Variants in SPP2 observed in about 807,000 individuals in gnomAD.
SPP2 encodes secreted phosphoprotein 24.
In SPP2, 34 loss-of-function variants were observed where a neutral mutation model predicts 28.8. The observed-to-expected ratio is 1.18, with a 90% CI of 0.90 to 1.57. The LOEUF is 1.57. Ranked by LOEUF, SPP2 falls within the 40% of genes most tolerant of loss-of-function variation. SPP2 has a pLI of 0.00. For synonymous variants in SPP2, 96 were observed against 89.4 expected, an observed-to-expected ratio of 1.07 and a Z score of -0.42; for missense variants, 269 against 263.9, an observed-to-expected ratio of 1.02 and a Z score of -0.13.
chr2:234,051,038 G>A lies in SPP2; in HGVS notation c.153G>A (p.Val51=). The change falls in exon 2 of 8, where the codon GTG becomes GTA. Residue 51 remains valine (V), a synonymous_variant. Coordinates refer to ENST00000168148, the MANE Select transcript of SPP2 (RefSeq NM_006944.3). ...RDALSASVVK[V]NSQSLSPYLF... The stretch of plus-strand genomic sequence containing the variant: ...CCCTCAGTGCCTCTGTGGTAAAAGT[G>A]AATTCCCAGTCACTGAGTCCGTATC... The A allele has an allele frequency of 1.2e-6, 2 of 1,613,980 alleles. No individual in the cohort carries two copies. The highest frequency in any genetic ancestry group is 2.2e-5 in the South Asian group (2 of 91,074).
chr2:234,053,591 G>T (rs538519138), intron 2 of SPP2, among the ~76,000 whole-genome samples: 1 of 151,398 alleles, frequency 6.6e-6, no homozygotes. Flanking sequence ...TCTAATGTGC[G>T]GTCTCGGTGA....
chr2:234,068,325 G>A (rs937052601), intron 6 of SPP2, among the ~76,000 whole-genome samples: 9 of 152,200 alleles, frequency 5.9e-5, no homozygotes, highest in African/African-American at 2.2e-4. Flanking sequence ...GAGGCTTAGT[G>A]AGTTCCTGTA....
chr2:234,059,024 G>A (rs893207985), intron 3 of SPP2, 66 bp downstream of exon 3: 1 of 1,560,814 alleles, frequency 6.4e-7, no homozygotes, highest in Non-Finnish European at 8.7e-7. Context: ...CCATGACCTG[G>A]AGTCACACAA....
chr2:234,056,660 A>C (rs1693613498), intron 2 of SPP2, among the ~76,000 whole-genome samples: 1 of 152,150 alleles, frequency 6.6e-6, no homozygotes, highest in African/African-American at 2.4e-5. Context: ...CTCACCCTGC[A>C]GTGGAGGGCC....
chr2:234,063,552 T>C (rs1693760611), intron 4 of SPP2, among the ~76,000 whole-genome samples: 3 of 152,240 alleles, frequency 2.0e-5, no homozygotes, highest in Non-Finnish European at 2.9e-5. Flanking sequence ...TATTCTCCTA[T>C]AGTTAACTAA....
intron 4 of SPP2, among the ~76,000 whole-genome samples, chr2:234,062,189 C>CCTGA (rs10638298): frequency 0.28 from 42,179 of 151,824 alleles, 5,979 homozygotes; most frequent in South Asian, 0.49. Flanking sequence ...CAGGAATTAC[C>CCTGA]CTATCAGGCA....
At chr2:234,054,469 G>T (rs1559170920) in intron 2 of SPP2, among the ~76,000 whole-genome samples, 1 of 152,168 alleles carries the variant, frequency 6.6e-6, no homozygotes. Flanking sequence ...TTATTTCTCA[G>T]AATTCAGGAG....
chr2:234,075,865 C>T (rs1574839512), intron 7 of SPP2, among the ~76,000 whole-genome samples: 1 of 152,214 alleles, frequency 6.6e-6, no homozygotes, highest in East Asian at 1.9e-4. Flanking sequence ...GTCTCCAACT[C>T]ATCTTCCAAG....
intron 5 of SPP2, among the ~76,000 whole-genome samples, chr2:234,066,976 T>C (rs964397919): frequency 5.3e-5 from 8 of 152,216 alleles, no homozygotes; most frequent in African/African-American, 1.9e-4. Context: ...TCTTTGAATG[T>C]CTTAGTTCAG....
chr2:234,050,929 CTG>C (rs1198632914), intron 1 of SPP2, 40 bp from the exon 2 acceptor site: 3 of 1,613,846 alleles, frequency 1.9e-6, no homozygotes, highest in Non-Finnish European at 2.5e-6. Flanking sequence ...ATGCTGGCGC[CTG>C]TGTCTTGTCT....
chr2:234,058,890 G>A lies in SPP2; in HGVS notation c.265G>A (p.Glu89Lys), dbSNP rs770265381. 5.0e-6 allele frequency: 8 copies of A among 1,614,088 alleles called. No homozygotes were observed. The South Asian group carries it at 8.8e-5, about 18-fold the overall frequency. Residue 89 changes from glutamate (E) to lysine (K), a missense_variant, in exon 3 of 8, where the codon GAG becomes AAG. Transcript: ENST00000168148. ...LVMNLEFSIR[E>K]TTCRKDSGED... ...CATGAATTTAGAGTTCAGCATCCGG[G>A]AGACTACATGCAGGAAGGATTCTGG...
At chr2:234,070,263 G>GGAGC (rs2125470846) in intron 7 of SPP2, among the ~76,000 whole-genome samples, 2 of 152,302 alleles carry the variant, frequency 1.3e-5, no homozygotes, top group African/African-American at 4.8e-5. Context: ...GTCCATGTGA[G>GGAGC]GAGCAAACAA....
intron 6 of SPP2, among the ~76,000 whole-genome samples, chr2:234,069,411 A>G (rs1229135614): frequency 6.6e-6 from 1 of 152,320 alleles, no homozygotes. Context: ...GACAAATGCC[A>G]TTTGGGACTA....
chr2:234,069,856 A>T lies in SPP2; in HGVS notation c.551-72A>T, dbSNP rs1693898625. 9 of 1,193,218 alleles carry T rather than the reference A, an allele frequency of 7.5e-6. 1 individual carries two copies. The South Asian group carries it at 1.1e-4, about 15-fold the overall frequency. The allele number at this position is 1,193,218 out of a possible 1,614,324, so 73.9% of individuals were successfully genotyped here. On this transcript the variant is annotated intron_variant, in intron 6 of 7. Coordinates refer to ENST00000168148, the MANE Select transcript of SPP2 (RefSeq NM_006944.3). Reference sequence around the variant, plus strand: ...GTCACAATCCTCCTCATTAATTTGTAGTAACATTGTCCACACTGTCTCAGA... The same window carrying T: ...GTCACAATCCTCCTCATTAATTTGTTGTAACATTGTCCACACTGTCTCAGA...
At chr2:234,059,117 C>T (rs188157721) in intron 3 of SPP2, among the ~76,000 whole-genome samples, 159 bp downstream of exon 3, 1 of 152,326 alleles carries the variant, frequency 6.6e-6, no homozygotes, top group East Asian at 1.9e-4. Context: ...AAGTGTTACT[C>T]CGTGGCTGAA....
chr2:234,069,899 G>C (rs1574835475), intron 6 of SPP2, 29 bp from the exon 7 acceptor site: 1 of 1,547,850 alleles, frequency 6.5e-7, no homozygotes, highest in Non-Finnish European at 8.9e-7. Flanking sequence ...GTGACTGACA[G>C]AGCCTATGCT....
chr2:234,063,217 A>G (rs554077611), intron 4 of SPP2, among the ~76,000 whole-genome samples: 3 of 152,296 alleles, frequency 2.0e-5, no homozygotes, highest in South Asian at 2.1e-4. Context: ...ACATTTAGTC[A>G]TAGAACAAAT....
In SPP2 at chr2:234,050,758, G is replaced by C. The variant is rs376362466; in HGVS notation, c.-29G>C. ...GAACTGTCATCCCCAAACACATAGAGAGACACTCTCTGTCTCTCGATTACA... is the reference window on the plus strand; with the variant it reads ...GAACTGTCATCCCCAAACACATAGACAGACACTCTCTGTCTCTCGATTACA... On this transcript the variant is annotated 5_prime_UTR_variant, in exon 1 of 8. Transcript: ENST00000168148. 5.0e-5 allele frequency: 81 copies of C among 1,604,324 alleles called. No individual in the cohort carries two copies. In the African/African-American group the frequency reaches 8.2e-4, roughly 16 times the overall value.
At chr2:234,072,488 C>T (rs181154506) in intron 7 of SPP2, among the ~76,000 whole-genome samples, 3 of 151,936 alleles carry the variant, frequency 2.0e-5, no homozygotes, top group Admixed American at 6.6e-5. Flanking sequence ...AATATGATAA[C>T]GTTGGATGTG....
Sources: allele counts gnomAD v4.1 joint callset (sites outside exome capture counted in the v4.1 genomes callset), GRCh38; gene constraint gnomAD v4.1.1; transcripts MANE v1.5; gene names NCBI Gene and HGNC (gene_info 2026-07-23, HGNC 2026-07-21).